Variants in SCD5 observed in about 807,000 individuals in gnomAD.
The protein encoded by SCD5 is acyl-CoA-desaturase 4.
A neutral mutation model predicts 30.4 loss-of-function variants in SCD5; 20 were observed. The ratio of observed to expected loss-of-function variants is 0.66; its 90% confidence interval spans 0.46 to 0.96. The LOEUF is 0.96. Ranked by LOEUF, SCD5 falls within the 40% of genes least tolerant of loss-of-function variation. The probability of loss-of-function intolerance (pLI) is 0.00; values close to 1 mark genes in which losing one functional copy is unlikely to be tolerated. For missense variants in SCD5, 381 were observed against 443.3 expected, an observed-to-expected ratio of 0.86 and a Z score of 1.26; for synonymous variants, 173 against 176.4, an observed-to-expected ratio of 0.98 and a Z score of 0.16.
At chr4:82,742,893 G>A (rs773148382) in intron 1 of SCD5, among the ~76,000 whole-genome samples, 3 of 152,148 alleles carry the variant, frequency 2.0e-5, no homozygotes, top group Non-Finnish European at 4.4e-5. Context: ...GGCTCAGGGA[G>A]TGGAAAGCAA....
intron 1 of SCD5, among the ~76,000 whole-genome samples, chr4:82,789,697 C>T (rs901148164): frequency 3.9e-5 from 6 of 152,124 alleles, no homozygotes; most frequent in African/African-American, 1.4e-4. Context: ...AGCAGCAGGC[C>T]CTGCAGTAGC....
chr4:82,662,401 A>C (rs1047182234), intron 3 of SCD5, among the ~76,000 whole-genome samples: 1 of 152,166 alleles, frequency 6.6e-6, no homozygotes, highest in African/African-American at 2.4e-5. Context: ...ATAAAATTGT[A>C]ATCAAAGATT....
At chr4:82,648,463 G>C (rs1727675673) in intron 3 of SCD5, among the ~76,000 whole-genome samples, 2 of 152,252 alleles carry the variant, frequency 1.3e-5, no homozygotes, top group Non-Finnish European at 2.9e-5. Context: ...AGTCCAGAGA[G>C]AGTGTGCAGT....
At position 82,798,197 on chromosome 4, in the gene SCD5, C is replaced by CG. The variant is rs1418632800; in HGVS notation, c.232+108dup. 12 of 1,111,528 alleles carry CG rather than the reference C, an allele frequency of 1.1e-5. No individual in the cohort carries two copies. In the Admixed American group the frequency reaches 6.1e-4, roughly 56 times the overall value. 68.9% of individuals were successfully genotyped at this position (1,111,528 alleles called of 1,614,324 possible). ...CGCGCAGCGGGAGGCGAGGGGAGAC[C>CG]GGGGGTCGCTGCGCACCGCCCGCAG... is the stretch of plus-strand genomic sequence containing the variant. On this transcript the variant is annotated intron_variant, in intron 1 of 4. Coordinates refer to ENST00000319540, the MANE Select transcript of SCD5 (RefSeq NM_001037582.3).
intron 3 of SCD5, among the ~76,000 whole-genome samples, chr4:82,641,985 C>G (rs1319364168): frequency 6.6e-6 from 1 of 152,000 alleles, no homozygotes; most frequent in South Asian, 2.1e-4. Context: ...AATATACATC[C>G]AAATGGGGCT....
chr4:82,635,579 CCACTGCACT>C (rs758300083), intron 4 of SCD5, among the ~76,000 whole-genome samples: 264 of 142,606 alleles, frequency 1.9e-3, no homozygotes, highest in Non-Finnish European at 1.5e-3. Context: ...CAAGATCACG[CCACTGCACT>C]CCAGCCTGGC....
intron 1 of SCD5, among the ~76,000 whole-genome samples, chr4:82,752,337 C>T (rs1220412208): frequency 6.6e-6 from 1 of 151,222 alleles, no homozygotes; most frequent in Non-Finnish European, 1.5e-5. Flanking sequence ...GTGTCTGTGG[C>T]TCTTAGTGAG....
At chr4:82,798,052 G>C (rs1012985622) in intron 1 of SCD5, among the ~76,000 whole-genome samples, 2 of 147,566 alleles carry the variant, frequency 1.4e-5, no homozygotes, top group Non-Finnish European at 3.0e-5. Flanking sequence ...GCCGGCAAAT[G>C]CGCTTCCTCA....
chr4:82,718,598 G>T (rs1720284790), intron 1 of SCD5, among the ~76,000 whole-genome samples: 1 of 151,608 alleles, frequency 6.6e-6, no homozygotes, highest in Non-Finnish European at 1.5e-5. Flanking sequence ...CAAGGTTGTT[G>T]TTATCACAAT....
intron 3 of SCD5, among the ~76,000 whole-genome samples, chr4:82,651,252 G>T (rs1326183184): frequency 6.6e-6 from 1 of 152,214 alleles, no homozygotes; most frequent in Non-Finnish European, 1.5e-5. Context: ...CTTCTTAAAG[G>T]TGAGTTTTGA....
intron 2 of SCD5, among the ~76,000 whole-genome samples, chr4:82,683,197 G>C (rs1360074055): frequency 6.6e-6 from 1 of 152,210 alleles, no homozygotes; most frequent in Non-Finnish European, 1.5e-5. Context: ...TAATATGAAA[G>C]AGGTCTTTAG....
At chr4:82,643,953 A>G (rs1224867925) in intron 3 of SCD5, among the ~76,000 whole-genome samples, 2 of 152,152 alleles carry the variant, frequency 1.3e-5, no homozygotes, top group African/African-American at 2.4e-5. Flanking sequence ...GAACTAACCA[A>G]TCCTGGAGGT....
At chr4:82,712,291 TATATATTTTA>T (rs1560540861) in intron 1 of SCD5, among the ~76,000 whole-genome samples, 1 of 46,930 alleles carries the variant, frequency 2.1e-5, no homozygotes, top group Non-Finnish European at 4.1e-5. Flanking sequence ...TATATATATA[TATATATTTTA>T]TTTTTATTTT....
At chr4:82,690,986 T>C (rs1728820803) in intron 2 of SCD5, among the ~76,000 whole-genome samples, 1 of 150,368 alleles carries the variant, frequency 6.7e-6, no homozygotes, top group Non-Finnish European at 1.5e-5. Flanking sequence ...AGGAGGACCT[T>C]AATATAGGCA....
intron 3 of SCD5, among the ~76,000 whole-genome samples, chr4:82,641,300 T>C (rs6535362): frequency 0.29 from 33,963 of 115,568 alleles, 4,203 homozygotes; most frequent in East Asian, 0.42. Flanking sequence ...ATAAAACAGA[T>C]AATCCCTGGC....
chr4:82,753,417 G>C, intron 1 of SCD5: 2 of 530,690 alleles, frequency 3.8e-6, no homozygotes, highest in South Asian at 1.4e-5. Flanking sequence ...ATAAGCCAGT[G>C]GCAGGGCTGA....
intron 1 of SCD5, among the ~76,000 whole-genome samples, chr4:82,743,023 CAG>C (rs1252007608): frequency 6.6e-6 from 1 of 152,172 alleles, no homozygotes; most frequent in Non-Finnish European, 1.5e-5. Flanking sequence ...AGAGAAGCTA[CAG>C]AGAGGCTCCC....
At chr4:82,778,496 G>GTCCC (rs1721800636) in intron 1 of SCD5, among the ~76,000 whole-genome samples, 1 of 152,228 alleles carries the variant, frequency 6.6e-6, no homozygotes, top group African/African-American at 2.4e-5. Context: ...CCTTTGGAAG[G>GTCCC]TCCCTACAAG....
intron 2 of SCD5, among the ~76,000 whole-genome samples, chr4:82,683,716 G>T (rs546825681): frequency 6.6e-6 from 1 of 152,264 alleles, no homozygotes; most frequent in East Asian, 1.9e-4. Flanking sequence ...GGATCATAGG[G>T]TCAGTTTCCT....
Sources: gnomAD v4.1 joint callset for allele counts (sites outside exome capture counted in the v4.1 genomes callset) on GRCh38, gnomAD v4.1.1 for gene constraint, MANE v1.5 for transcripts, NCBI Gene and HGNC (gene_info 2026-07-23, HGNC 2026-07-21) for gene names.